ATF2: variants seen among roughly 807,000 people sequenced by gnomAD.
ATF2 encodes the protein activating transcription factor 2.
A neutral mutation model predicts 60.6 loss-of-function variants in ATF2; 24 were observed. The observed-to-expected ratio is 0.40, with a 90% CI of 0.29 to 0.56. ATF2 has a LOEUF of 0.56. Among genes scored for constraint, ATF2 ranks in the 20% least tolerant of loss-of-function variants. ATF2 has a pLI of 0.54. For synonymous variants in ATF2, 206 were observed against 215.4 expected (o/e 0.96, Z 0.38); for missense variants, 433 against 607.7 (o/e 0.71, Z 3.02).
Position 175,097,576 on chromosome 2 carries a change from C to T in ATF2, c.846G>A (p.Leu282=). The T allele has an allele frequency of 6.2e-7, 1 of 1,613,966 alleles. No homozygotes were observed. Among genetic ancestry groups the T allele is most frequent in the Non-Finnish European group, 8.5e-7 (1 of 1,179,956 alleles). The change falls in exon 11 of 14, where the codon TTG becomes TTA. Residue 282 remains leucine (L), a synonymous_variant. Transcript: ENST00000264110. ...TGGTAACTGGAGGATGTTGCTGGGT[C>T]AAAGCAGCTTTTAATCTCTGCAATG... The part of the protein sequence containing the change: ...SEAKMRLKAA[L]TQQHPPVTNG...
chr2:175,141,048 T>TATAC (rs1698500799), intron 2 of ATF2, among the ~76,000 whole-genome samples: 1 of 125,026 alleles, frequency 8.0e-6, no homozygotes, highest in Non-Finnish European at 1.6e-5. Context: ...TATATATATA[T>TATAC]ATATGTATAT....
At chr2:175,108,214 C>A (rs907056546) in intron 10 of ATF2, among the ~76,000 whole-genome samples, 41 of 151,654 alleles carry the variant, frequency 2.7e-4, no homozygotes, top group African/African-American at 9.2e-4. Flanking sequence ...CCCCGCCGCC[C>A]GGCAGCCGCC....
intron 12 of ATF2, among the ~76,000 whole-genome samples, 187 bp downstream of exon 12, chr2:175,092,874 G>T (rs1035125867): frequency 2.6e-5 from 4 of 151,898 alleles, no homozygotes; most frequent in Non-Finnish European, 5.9e-5. Context: ...TATCAGTGTT[G>T]AAAGTTTTAT....
intron 11 of ATF2, among the ~76,000 whole-genome samples, chr2:175,096,586 G>A (rs1183226501): frequency 3.3e-5 from 5 of 152,050 alleles, no homozygotes; most frequent in South Asian, 2.1e-4. Context: ...TGCTAGTAAC[G>A]GAAACAGAAA....
intron 3 of ATF2, 54 bp from the exon 4 acceptor site, chr2:175,130,261 T>G: frequency 1.7e-6 from 2 of 1,161,340 alleles, no homozygotes; most frequent in South Asian, 4.1e-5. Flanking sequence ...AAAGAATAAT[T>G]TAAAATATAA....
At chr2:175,099,815 G>A (rs1574361202) in intron 10 of ATF2, among the ~76,000 whole-genome samples, 1 of 152,190 alleles carries the variant, frequency 6.6e-6, no homozygotes, top group Non-Finnish European at 1.5e-5. Context: ...TTAATTTCAA[G>A]TGCAAAATAT....
intron 1 of ATF2, among the ~76,000 whole-genome samples, chr2:175,152,494 C>T (rs1699375229): frequency 6.6e-6 from 1 of 152,090 alleles, no homozygotes; most frequent in Non-Finnish European, 1.5e-5. Context: ...AGTTACCAAC[C>T]GCATTAAGAA....
At chr2:175,119,549 ACTAGACATAATG>A (rs1696809794) in intron 5 of ATF2, among the ~76,000 whole-genome samples, 1 of 151,630 alleles carries the variant, frequency 6.6e-6, no homozygotes, top group South Asian at 2.1e-4. Flanking sequence ...GTAATACAAA[ACTAGACATAATG>A]CAGGCCTGTT....
At chr2:175,118,168 C>T in intron 6 of ATF2, 50 bp from the exon 7 acceptor site, 2 of 1,595,674 alleles carry the variant, frequency 1.3e-6, no homozygotes, top group South Asian at 1.1e-5. Flanking sequence ...AACAGTGTGT[C>T]TAAATTTAAA....
At chr2:175,149,526 A>G (rs1699170200) in intron 2 of ATF2, among the ~76,000 whole-genome samples, 1 of 152,230 alleles carries the variant, frequency 6.6e-6, no homozygotes. Flanking sequence ...CTGGCAAAAA[A>G]TGACAAAAAT....
At chr2:175,121,585 T>A in intron 4 of ATF2, 45 bp from the exon 5 acceptor site, 2 of 1,400,806 alleles carry the variant, frequency 1.4e-6, no homozygotes, top group Non-Finnish European at 2.0e-6. Context: ...TTCAATTTGA[T>A]CAAATAAGTA....
chr2:175,161,810 G>C (rs1700044835), intron 1 of ATF2, among the ~76,000 whole-genome samples: 1 of 150,206 alleles, frequency 6.7e-6, no homozygotes, highest in South Asian at 2.1e-4. Flanking sequence ...GCCCAGGATA[G>C]AGTGCACTGG....
rs570938549 is a variant in ATF2 at position 175,074,396 on chromosome 2, T to TA, written c.*212dup. 8.0e-4 allele frequency: 318 copies of TA among 395,804 alleles called. No individual in the cohort carries two copies. Among genetic ancestry groups the TA allele is most frequent in the African/African-American group, 6.1e-3 (295 of 48,564 alleles). 24.5% of individuals were successfully genotyped at this position (395,804 alleles called of 1,614,324 possible). On this transcript the variant is annotated 3_prime_UTR_variant, in exon 14 of 14. Coordinates refer to ENST00000264110, the MANE Select transcript of ATF2 (RefSeq NM_001880.4). ...AAATTAATAAATCTAATAATATTTA[T>TA]AAAAAAAGCAAAATCAGTCTTTTTC...
At chr2:175,104,358 A>G (rs183175687) in intron 10 of ATF2, among the ~76,000 whole-genome samples, 1 of 152,274 alleles carries the variant, frequency 6.6e-6, no homozygotes, top group Admixed American at 6.5e-5. Context: ...GAGATGCAGA[A>G]CCCCAAAAGG....
chr2:175,130,864 C>T (rs1428880886), intron 3 of ATF2, among the ~76,000 whole-genome samples: 2 of 152,122 alleles, frequency 1.3e-5, no homozygotes, highest in African/African-American at 4.8e-5. Context: ...CTTTCTAAAT[C>T]CTTAATTTCC....
At chr2:175,082,740 T>G (rs1693846623) in intron 12 of ATF2, among the ~76,000 whole-genome samples, 1 of 152,206 alleles carries the variant, frequency 6.6e-6, no homozygotes, top group Non-Finnish European at 1.5e-5. Flanking sequence ...TTGAACCATA[T>G]GAAATAACCA....
intron 5 of ATF2, 122 bp downstream of exon 5, chr2:175,121,322 C>A: frequency 2.0e-6 from 1 of 508,090 alleles, no homozygotes; most frequent in Non-Finnish European, 3.2e-6. Context: ...ATGTTGCCAA[C>A]ATTTACTATA....
chr2:175,104,001 G>A (rs1017948208), intron 10 of ATF2, among the ~76,000 whole-genome samples: 21 of 150,588 alleles, frequency 1.4e-4, no homozygotes, highest in Non-Finnish European at 2.9e-4. Context: ...TTTTCCAAAG[G>A]CTTAAAGTTC....
intron 11 of ATF2, among the ~76,000 whole-genome samples, chr2:175,094,472 A>G (rs1694782012): frequency 6.6e-6 from 1 of 151,376 alleles, no homozygotes; most frequent in Non-Finnish European, 1.5e-5. Context: ...AGAGAAAAGA[A>G]CACTTTATGG....
Sources: allele counts gnomAD v4.1 joint callset (sites outside exome capture counted in the v4.1 genomes callset), GRCh38; gene constraint gnomAD v4.1.1; transcripts MANE v1.5; gene names NCBI Gene and HGNC (gene_info 2026-07-23, HGNC 2026-07-21).